CACNA2D4: variants seen among roughly 807,000 people sequenced by gnomAD.
CACNA2D4 encodes the protein voltage-dependent calcium channel subunit alpha-2/delta-4.
Under a neutral mutation model 163.8 loss-of-function variants are expected in CACNA2D4, and 157 were observed. The observed-to-expected ratio is 0.96, with a 90% CI of 0.84 to 1.09. The LOEUF is 1.09. Ranked by LOEUF, CACNA2D4 falls within the 50% of genes least tolerant of loss-of-function variation. The pLI is 0.00. For synonymous variants in CACNA2D4, 598 were observed against 586.9 expected (o/e 1.02, Z -0.27); for missense variants, 1,410 against 1,479.9 (o/e 0.95, Z 0.78).
Position 1,797,550 on chromosome 12 carries a change from A to G in CACNA2D4, c.2996-15T>C. 1.9e-6 allele frequency: 3 copies of G among 1,544,868 alleles called. No individual in the cohort carries two copies. Among genetic ancestry groups the G allele is most frequent in the Non-Finnish European group, 1.7e-6 (2 of 1,143,408 alleles). ...GTGTTTGTGGGCTGCGGGCGGAGAAAGGACATCACGCCACCGAAGGGGCCT... is the reference window on the plus strand; with the variant it reads ...GTGTTTGTGGGCTGCGGGCGGAGAAGGGACATCACGCCACCGAAGGGGCCT... On this transcript the variant is annotated splice_polypyrimidine_tract_variant and intron_variant, in intron 34 of 37. Transcript: ENST00000382722.
rs559628897 is a variant in CACNA2D4, at chr12:1,844,765, C to G, written c.2343-236G>C. ...ATAGGGTCTGTAGAGTGAGGGGATA[C>G]TTTCCATTTTTATGTAAACTCTTTT... On this transcript the variant is annotated intron_variant, in intron 24 of 37. Transcript: ENST00000382722. The surrounding 1 kb of genome is among the most constrained non-coding windows in gnomAD (Gnocchi z 4.2). 1.3e-5 allele frequency among the ~76,000 whole-genome samples: 2 copies of G among 152,186 alleles called. No homozygotes were observed. The highest frequency in any genetic ancestry group is 2.9e-5 in the Non-Finnish European group (2 of 68,036).
chr12:1,849,144 C>T (rs1444978554), intron 23 of CACNA2D4, among the ~76,000 whole-genome samples: 3 of 152,118 alleles, frequency 2.0e-5, no homozygotes, highest in African/African-American at 4.8e-5. Flanking sequence ...ATTGAAAGTC[C>T]GAAGTCTGGG....
chr12:1,861,159 G>A (rs1215129276), intron 18 of CACNA2D4, among the ~76,000 whole-genome samples: 1 of 152,186 alleles, frequency 6.6e-6, no homozygotes, highest in African/African-American at 2.4e-5. Context: ...TTGGAAACTG[G>A]AGCGAGGTGT....
At chr12:1,882,826 T>G (rs768937579) in intron 13 of CACNA2D4, 41 bp downstream of exon 13, 1 of 1,610,088 alleles carries the variant, frequency 6.2e-7, no homozygotes, top group South Asian at 1.1e-5. Context: ...TCCCTAACTC[T>G]GAGGTGGGCT....
At position 1,795,075 on chromosome 12, in the gene CACNA2D4, G is replaced by A. The variant is rs112625424; in HGVS notation, c.3309+224C>T. ...TCACCCTAATCAGGAAATAACAAGCGTTTTAGGAGCTTGCCAGGAATCAGG... is the reference window on the plus strand; with the variant it reads ...TCACCCTAATCAGGAAATAACAAGCATTTTAGGAGCTTGCCAGGAATCAGG... On this transcript the variant is annotated intron_variant, in intron 37 of 37. Coordinates refer to ENST00000382722, the MANE Select transcript of CACNA2D4 (RefSeq NM_172364.5). 1,127 of 582,690 alleles carry A rather than the reference G, an allele frequency of 1.9e-3. 11 individuals carry two copies. Among genetic ancestry groups the A allele is most frequent in the Middle Eastern group, 7.8e-3 (17 of 2,184 alleles). The allele number at this position is 582,690 out of a possible 1,614,324, so 36.1% of individuals were successfully genotyped here.
intron 4 of CACNA2D4, 95 bp from the exon 5 acceptor site, chr12:1,908,132 G>T: frequency 7.7e-7 from 1 of 1,291,470 alleles, no homozygotes; most frequent in Non-Finnish European, 1.1e-6. Context: ...GGACGAGAGG[G>T]CCGGGGCCGG....
At chr12:1,855,982 A>G in intron 22 of CACNA2D4, 30 bp downstream of exon 22, 1 of 1,564,468 alleles carries the variant, frequency 6.4e-7, no homozygotes, top group African/African-American at 1.4e-5. Flanking sequence ...CCAGAGGAAA[A>G]GCTTGCCTCA....
At chr12:1,814,399 G>A (rs960594350) in intron 26 of CACNA2D4, among the ~76,000 whole-genome samples, 2 of 152,176 alleles carry the variant, frequency 1.3e-5, no homozygotes, top group African/African-American at 4.8e-5. Flanking sequence ...GCGAAATTTA[G>A]GGCATTGCAA....
intron 18 of CACNA2D4, among the ~76,000 whole-genome samples, chr12:1,868,853 C>G (rs149898078): frequency 5.5e-4 from 84 of 152,250 alleles, no homozygotes; most frequent in Non-Finnish European, 9.3e-4. Flanking sequence ...CTTTTTCTGT[C>G]ATTATCCCTT....
At chr12:1,856,272 C>T (rs761105287) in intron 20 of CACNA2D4, 43 bp from the exon 21 acceptor site, 3 of 1,596,226 alleles carry the variant, frequency 1.9e-6, no homozygotes, top group Non-Finnish European at 1.7e-6. Flanking sequence ...CCCTCACTGC[C>T]ATGAGGGTGT....
At position 1,795,312 on chromosome 12, in the gene CACNA2D4, G is replaced by A. The variant is rs746082332; in HGVS notation, c.3296C>T (p.Ala1099Val). 1.3e-5 allele frequency: 21 copies of A among 1,613,048 alleles called. No homozygotes were observed. The Admixed American group carries it at 2.7e-4, about 20-fold the overall frequency. ...CTCAACCCGCACCTCTGGATGGAAG[G>A]CGTGGCAGGAGTCTGGTCGCCGGCG... Reference protein sequence around the residue: ...KLRRRPDSCHAFHPEENAQDC... With the variant: ...KLRRRPDSCHVFHPEENAQDC... Residue 1099 changes from alanine to valine, a missense_variant, in exon 37 of 38, where the codon GCC becomes GTC. Transcript: ENST00000382722.
At chr12:1,819,473 T>TTTG (rs1012046634) in intron 26 of CACNA2D4, among the ~76,000 whole-genome samples, 2 of 151,978 alleles carry the variant, frequency 1.3e-5, no homozygotes, top group South Asian at 4.2e-4. Flanking sequence ...TGTGAACCCC[T>TTTG]CCAGCAAAGC....
At chr12:1,817,816 C>T (rs1181784136) in intron 26 of CACNA2D4, among the ~76,000 whole-genome samples, 4 of 152,090 alleles carry the variant, frequency 2.6e-5, no homozygotes, top group South Asian at 2.1e-4. Context: ...AGTGCAGTGG[C>T]GTGATCTCGG....
intron 29 of CACNA2D4, among the ~76,000 whole-genome samples, chr12:1,803,572 AC>A (rs2154445467): frequency 6.6e-6 from 1 of 152,348 alleles, no homozygotes; most frequent in African/African-American, 2.4e-5. Flanking sequence ...TAAGGATGCA[AC>A]CCACTAAAAA....
chr12:1,907,291 G>T (rs1866682177), intron 6 of CACNA2D4, 149 bp downstream of exon 6: 2 of 642,926 alleles, frequency 3.1e-6, no homozygotes, highest in East Asian at 5.6e-5. Flanking sequence ...GCAGTGAGAA[G>T]GGCTAAAGTG....
Position 1,917,901 on chromosome 12 carries a change from T to A in CACNA2D4, c.227+346A>T. The A allele has an allele frequency of 3.9e-6, 1 of 258,924 alleles. No homozygotes were observed. The highest frequency in any genetic ancestry group is 7.3e-6 in the Non-Finnish European group (1 of 136,194). 16.0% of individuals were successfully genotyped at this position (258,924 alleles called of 1,614,324 possible). Reference sequence around the variant, plus strand: ...GATAACCCGGCTCCTCCAGGCTGCCTCATCTCAGCGATTATCCTGAAGGAG... The same window carrying A: ...GATAACCCGGCTCCTCCAGGCTGCCACATCTCAGCGATTATCCTGAAGGAG... On this transcript the variant is annotated intron_variant, in intron 1 of 37. Coordinates refer to ENST00000382722, the MANE Select transcript of CACNA2D4 (RefSeq NM_172364.5). The surrounding 1 kb of genome is among the most constrained non-coding windows in gnomAD (Gnocchi z 4.3).
intron 29 of CACNA2D4, chr12:1,809,653 C>T: frequency 1.5e-6 from 1 of 682,144 alleles, no homozygotes; most frequent in Non-Finnish European, 2.7e-6. Context: ...CCTTTCTGAG[C>T]ACATGCTGGG....
intron 26 of CACNA2D4, among the ~76,000 whole-genome samples, chr12:1,823,832 T>C (rs923337667): frequency 6.6e-6 from 1 of 152,166 alleles, no homozygotes; most frequent in South Asian, 2.1e-4. Flanking sequence ...GGCAATGCCG[T>C]GGACACTGCA....
chr12:1,846,802 A>G, intron 23 of CACNA2D4, 113 bp from the exon 24 acceptor site: 1 of 845,508 alleles, frequency 1.2e-6, no homozygotes, highest in Non-Finnish European at 1.9e-6. Context: ...GGCTCAGGGA[A>G]GACTTTCCAG....
Sources: gnomAD v4.1 joint callset for allele counts (sites outside exome capture counted in the v4.1 genomes callset) on GRCh38, gnomAD v4.1.1 for gene constraint, Gnocchi (gnomAD v3.1) non-coding constraint, MANE v1.5 for transcripts, NCBI Gene and HGNC (gene_info 2026-07-23, HGNC 2026-07-21) for gene names.